Variants in ARHGAP45 observed in about 807,000 individuals in gnomAD.
ARHGAP45 encodes rho GTPase-activating protein 45.
ARHGAP45 carries 56 observed loss-of-function variants against 116.1 expected under a neutral mutation model. The observed-to-expected ratio is 0.48, with a 90% CI of 0.39 to 0.60. The LOEUF (loss-of-function observed/expected upper bound fraction) is 0.60, where lower values mean the gene tolerates loss of function less well. ARHGAP45 is among the 20% of genes least tolerant of loss of function. ARHGAP45 has a pLI of 0.00. For synonymous variants in ARHGAP45, 866 were observed against 701.7 expected, an observed-to-expected ratio of 1.23 and a Z score of -3.70; for missense variants, 1,622 against 1,601.0, an observed-to-expected ratio of 1.01 and a Z score of -0.22.
intron 18 of ARHGAP45, 40 bp downstream of exon 18, chr19:1,081,778 G>C (rs1374688958): frequency 6.4e-7 from 1 of 1,573,392 alleles, no homozygotes; most frequent in East Asian, 2.3e-5. Context: ...GAGGAGGCGG[G>C]AGTGGGCCGA....
In ARHGAP45 at chr19:1,085,898, C is replaced by T. The variant is rs1420609233; in HGVS notation, c.3303C>T (p.Asn1101=). Residue 1101 remains asparagine, a synonymous_variant, in exon 23 of 23, where the codon AAC becomes AAT. Coordinates refer to ENST00000313093, the MANE Select transcript of ARHGAP45 (RefSeq NM_012292.5). ...CGGCCCAGCAGCTCTCAGGATTCAA[C>T]ACCAACCAGTCCAACAACGTGCTGC... The part of the protein sequence containing the change: ...DGPAQQLSGF[N]TNQSNNVLQA... The T allele has an allele frequency of 5.0e-6, 8 of 1,613,022 alleles. No homozygotes were observed. The South Asian group carries it at 5.5e-5, about 11-fold the overall frequency.
intron 5 of ARHGAP45, 70 bp from the exon 6 acceptor site, chr19:1,073,878 G>A (rs868509713): frequency 6.5e-6 from 10 of 1,526,936 alleles, no homozygotes; most frequent in Middle Eastern, 4.4e-4. Flanking sequence ...GGCAGCAACC[G>A]TCCCCTGAAG....
chr19:1,070,037 C>A (rs559865053), intron 2 of ARHGAP45, among the ~76,000 whole-genome samples: 30 of 152,018 alleles, frequency 2.0e-4, no homozygotes, highest in African/African-American at 7.2e-4. Flanking sequence ...ACTCTGTCGC[C>A]CAGGCTGGAG....
Position 1,068,186 on chromosome 19 carries a change from C to G in ARHGAP45, c.91-228C>G. On this transcript the variant is annotated intron_variant, in intron 1 of 22. Coordinates refer to ENST00000313093, the MANE Select transcript of ARHGAP45 (RefSeq NM_012292.5). The surrounding 1 kb of genome is among the most constrained non-coding windows in gnomAD (Gnocchi z 7.5). ...CGCCTCCCCGCAGGCCCCGCCCCGG[C>G]TGTGGTTTGGGCAAGGACCGTTGTT... 1.9e-6 allele frequency: 1 copy of G among 526,834 alleles called. No homozygotes were observed. Among genetic ancestry groups the G allele is most frequent in the South Asian group, 3.0e-5 (1 of 33,814 alleles). The allele number at this position is 526,834 out of a possible 1,614,324, so 32.6% of individuals were successfully genotyped here.
rs2043096791 is a variant in ARHGAP45, at chr19:1,069,344, T to C, written c.421+600T>C. Among the ~76,000 whole-genome samples the C allele has an allele frequency of 6.6e-6, 1 of 152,204 alleles. No individual in the cohort carries two copies. Among genetic ancestry groups the C allele is most frequent in the Non-Finnish European group, 1.5e-5 (1 of 68,030 alleles). On this transcript the variant is annotated intron_variant, in intron 2 of 22. Coordinates refer to ENST00000313093, the MANE Select transcript of ARHGAP45 (RefSeq NM_012292.5). The surrounding 1 kb of genome is among the most constrained non-coding windows in gnomAD (Gnocchi z 4.1). ...CGCGGCCGCTGACAGCCCTGCTTCCTGCCGAGTTATTTTCATCTGCTTCCT... is the reference window on the plus strand; with the variant it reads ...CGCGGCCGCTGACAGCCCTGCTTCCCGCCGAGTTATTTTCATCTGCTTCCT...
At position 1,079,712 on chromosome 19, in the gene ARHGAP45, G is replaced by A; in HGVS notation, c.1384G>A (p.Ala462Thr). Reference protein sequence around the residue: ...EEEAKNKAEEAMATYRTCVAD... With the variant: ...EEEAKNKAEETMATYRTCVAD... ...CCCGCCCCCACCGCAGGCGGAGGAA[G>A]CTATGGCCACCTACCGCACCTGCGT... The change falls in exon 12 of 23, where the codon GCT becomes ACT. Residue 462 changes from alanine to threonine, a missense_variant. By Grantham distance (58) the Ala-to-Thr change is moderately conservative. Coordinates refer to ENST00000313093, the MANE Select transcript of ARHGAP45 (RefSeq NM_012292.5). The A allele has an allele frequency of 1.9e-6, 3 of 1,612,594 alleles. No individual in the cohort carries two copies. Among genetic ancestry groups the A allele is most frequent in the Non-Finnish European group, 2.5e-6 (3 of 1,179,748 alleles).
In ARHGAP45 at chr19:1,083,149, G is replaced by A; in HGVS notation, c.2751G>A (p.Val917=). The A allele has an allele frequency of 1.2e-6, 2 of 1,608,006 alleles. No homozygotes were observed. Among genetic ancestry groups the A allele is most frequent in the Non-Finnish European group, 8.5e-7 (1 of 1,178,926 alleles). ...QYLLRHLRRI[V]EVEQDNKMTP... Reference sequence around the variant, plus strand: ...GCCCCTGCCCACCCCGCAGGATCGTGGAGGTGGAGCAGGACAACAAGATGA... The same window carrying A: ...GCCCCTGCCCACCCCGCAGGATCGTAGAGGTGGAGCAGGACAACAAGATGA... The change falls in exon 21 of 23, where the codon GTG becomes GTA. Residue 917 remains valine (V), a synonymous_variant. Transcript: ENST00000313093.
In ARHGAP45 at chr19:1,080,926, G is replaced by A. The variant is rs11551696; in HGVS notation, c.2052G>A (p.Val684=). Residue 684 remains valine (V), a synonymous_variant, in exon 17 of 23, where the codon GTG becomes GTA. Coordinates refer to ENST00000313093, the MANE Select transcript of ARHGAP45 (RefSeq NM_012292.5). ...DLNGMTPELP[V]AVPSGPFRHE... ...ACGGCATGACCCCCGAGCTGCCGGTGGCCGTGCCCAGTGGACCGTTCCGCC... is the reference window on the plus strand; with the variant it reads ...ACGGCATGACCCCCGAGCTGCCGGTAGCCGTGCCCAGTGGACCGTTCCGCC... 0.02 allele frequency: 31,641 copies of A among 1,609,204 alleles called. 354 individuals carry two copies. Among genetic ancestry groups the A allele is most frequent in the Middle Eastern group, 0.023 (139 of 6,042 alleles).
chr19:1,084,491 C>T (rs1568487035), intron 22 of ARHGAP45, 145 bp downstream of exon 22: 6 of 617,210 alleles, frequency 9.7e-6, no homozygotes, highest in South Asian at 7.9e-5. Context: ...GAGACCACAC[C>T]TATGAGCTAC....
chr19:1,073,906 GC>G, intron 5 of ARHGAP45, 41 bp from the exon 6 acceptor site: 1 of 1,531,808 alleles, frequency 6.5e-7, no homozygotes, highest in Non-Finnish European at 8.8e-7. Flanking sequence ...ACTGCCCAGG[GC>G]CCCGCATGGG....
rs187940844 is a variant in ARHGAP45, at chr19:1,068,913, G to C, written c.421+169G>C. ...GGCTCTGAGGGATGTGTAGGAGTTT[G>C]GTGGGGGAGTCCCTGAGCGTACACT... On this transcript the variant is annotated intron_variant, in intron 2 of 22. Coordinates refer to ENST00000313093, the MANE Select transcript of ARHGAP45 (RefSeq NM_012292.5). This position sits in a 1 kb window ranked among gnomAD's most constrained non-coding sequence, Gnocchi z 7.5. 4.2e-3 allele frequency among the ~76,000 whole-genome samples: 633 copies of C among 152,122 alleles called. 7 individuals carry two copies. Among genetic ancestry groups the C allele is most frequent in the African/African-American group, 0.015 (612 of 41,476 alleles).
Position 1,074,892 on chromosome 19 carries a change from G to A in ARHGAP45, c.1185+13G>A. 6.9e-7 allele frequency: 1 copy of A among 1,450,080 alleles called. No individual in the cohort carries two copies. The highest frequency in any genetic ancestry group is 9.3e-7 in the Non-Finnish European group (1 of 1,077,136). 89.8% of individuals were successfully genotyped at this position (1,450,080 alleles called of 1,614,324 possible). A position where few individuals can be genotyped will look rare whatever the true frequency, so the allele number is the denominator to read the frequency against. On this transcript the variant is annotated intron_variant, in intron 10 of 22. Transcript: ENST00000313093. Reference sequence around the variant, plus strand: ...CCAGAGGAAGCTGGTGAGGCGGGCGGGCGGGGGCGGGCGGGGGCGGGCAGC... The same window carrying A: ...CCAGAGGAAGCTGGTGAGGCGGGCGAGCGGGGGCGGGCGGGGGCGGGCAGC...
Position 1,085,712 on chromosome 19 carries a change from G to C in ARHGAP45, c.3117G>C (p.Glu1039Asp), listed in dbSNP as rs1325128034. 1.9e-6 allele frequency: 3 copies of C among 1,604,738 alleles called. No homozygotes were observed. The highest frequency in any genetic ancestry group is 2.7e-5 in the African/African-American group (2 of 74,432). ...DSDSDLEEAS[E>D]LLSSSEASAL... ...ACTCGGACCTAGAGGAGGCCTCCGA[G>C]CTGCTGTCCTCATCGGAGGCCAGTG... Residue 1039 changes from glutamate to aspartate, a missense_variant, in exon 23 of 23, where the codon GAG becomes GAC. Coordinates refer to ENST00000313093, the MANE Select transcript of ARHGAP45 (RefSeq NM_012292.5).
chr19:1,067,083 G>C (rs1336723368), upstream of ARHGAP45: 14 of 852,750 alleles, frequency 1.6e-5, no homozygotes, highest in East Asian at 7.0e-5. Context: ...CCCCGCGAGC[G>C]GCGCGGCTCC....
Position 1,085,778 on chromosome 19 carries a change from G to A in ARHGAP45, c.3183G>A (p.Glu1061=). The A allele has an allele frequency of 6.2e-7, 1 of 1,612,834 alleles. No individual in the cohort carries two copies. The highest frequency in any genetic ancestry group is 1.7e-4 in the Middle Eastern group (1 of 6,060). Residue 1061 remains glutamate, a synonymous_variant, in exon 23 of 23, where the codon GAG becomes GAA. Coordinates refer to ENST00000313093, the MANE Select transcript of ARHGAP45 (RefSeq NM_012292.5). ...GCTTCCTGGAGCAGCAGCAGAGCGA[G>A]GCCAGCCTAGAGGTGGCTTCTGGCA... The part of the protein sequence containing the change: ...HLSFLEQQQS[E]ASLEVASGSH...
In ARHGAP45 at chr19:1,069,688, G is replaced by A. The variant is rs1467665773; in HGVS notation, c.421+944G>A. Among the ~76,000 whole-genome samples, 2 of 152,182 alleles carry A rather than the reference G, an allele frequency of 1.3e-5. No individual in the cohort carries two copies. The highest frequency in any genetic ancestry group is 2.9e-5 in the Non-Finnish European group (2 of 68,012). ...TGGTCCCAGGGGCGGGGGCTAGGCT[G>A]CTTTCCTGGGGAAACCCTAATCTCG... is the stretch of plus-strand genomic sequence containing the variant. On this transcript the variant is annotated intron_variant, in intron 2 of 22. Coordinates refer to ENST00000313093, the MANE Select transcript of ARHGAP45 (RefSeq NM_012292.5). The surrounding 1 kb of genome is among the most constrained non-coding windows in gnomAD (Gnocchi z 4.1).
chr19:1,073,742 G>C lies in ARHGAP45; in HGVS notation c.719G>C (p.Ser240Thr). The part of the protein sequence containing the change: ...TLLAVPPGDS[S>T]QSMESLYGPG... ...CTAGCAGTGCCTCCTGGGGACTCGA[G>C]CCAGGTGAGTGGGGTGGGCCAGGGC... The change falls in exon 5 of 23, where the codon AGC (serine) becomes ACC (threonine). Residue 240 changes from serine to threonine, a missense_variant. By Grantham distance (58) the Ser-to-Thr change is moderately conservative. Transcript: ENST00000313093. 2 of 1,589,464 alleles carry C rather than the reference G, an allele frequency of 1.3e-6. No individual in the cohort carries two copies. The highest frequency in any genetic ancestry group is 1.7e-6 in the Non-Finnish European group (2 of 1,167,598).
In ARHGAP45 at chr19:1,067,196, A is replaced by C; in HGVS notation, c.-210A>C. On this transcript the variant is annotated 5_prime_UTR_variant, in exon 1 of 23. Transcript: ENST00000313093. Reference sequence around the variant, plus strand: ...CGCAGAGCCGCAGGCTGAGGCCGGGAAGGGTCGGGGGCGAGGCCGCGTCGC... The same window carrying C: ...CGCAGAGCCGCAGGCTGAGGCCGGGCAGGGTCGGGGGCGAGGCCGCGTCGC... 1 of 1,322,830 alleles carries C rather than the reference A, an allele frequency of 7.6e-7. No homozygotes were observed. The highest frequency in any genetic ancestry group is 9.6e-7 in the Non-Finnish European group (1 of 1,040,756). 81.9% of individuals were successfully genotyped at this position (1,322,830 alleles called of 1,614,324 possible).
intron 22 of ARHGAP45, 96 bp downstream of exon 22, chr19:1,084,442 T>G (rs1046662699): frequency 1.1e-6 from 1 of 898,458 alleles, no homozygotes; most frequent in Non-Finnish European, 1.7e-6. Flanking sequence ...CGTGGCAGGG[T>G]CCACGGTGCT....
Sources: allele counts gnomAD v4.1 joint callset (sites outside exome capture counted in the v4.1 genomes callset), GRCh38; gene constraint gnomAD v4.1.1; non-coding constraint Gnocchi (gnomAD v3.1); transcripts MANE v1.5; gene names NCBI Gene and HGNC (gene_info 2026-07-23, HGNC 2026-07-21).